Variants in ADGRA3 observed in about 807,000 individuals in gnomAD.
ADGRA3 encodes adhesion G protein-coupled receptor A3, also known as G-protein coupled receptor 125.
ADGRA3 carries 56 observed loss-of-function variants against 119.8 expected under a neutral mutation model. The ratio of observed to expected loss-of-function variants is 0.47; its 90% confidence interval spans 0.38 to 0.58. ADGRA3 has a LOEUF of 0.58. Ranked by LOEUF, ADGRA3 falls within the 20% of genes least tolerant of loss-of-function variation. ADGRA3 has a pLI of 0.00. For synonymous variants in ADGRA3, 607 were observed against 623.8 expected, an observed-to-expected ratio of 0.97 and a Z score of 0.40; for missense variants, 1,516 against 1,649.0, an observed-to-expected ratio of 0.92 and a Z score of 1.40.
chr4:22,440,660 C>A (rs1198767514), intron 7 of ADGRA3, among the ~76,000 whole-genome samples: 1 of 152,080 alleles, frequency 6.6e-6, no homozygotes, highest in East Asian at 1.9e-4. Flanking sequence ...TACAGTAAAT[C>A]TACTTATTTT....
chr4:22,440,187 T>C (rs1201385072), intron 7 of ADGRA3, among the ~76,000 whole-genome samples: 1 of 152,124 alleles, frequency 6.6e-6, no homozygotes, highest in Non-Finnish European at 1.5e-5. Context: ...GTGTTTCTAG[T>C]TTTCTTACTA....
intron 14 of ADGRA3, among the ~76,000 whole-genome samples, chr4:22,404,192 T>C (rs1049220218): frequency 1.2e-4 from 18 of 152,082 alleles, no homozygotes; most frequent in African/African-American, 4.1e-4. Flanking sequence ...ACAGTGGATA[T>C]ACCTCCAATT....
In ADGRA3 at chr4:22,388,539, G is replaced by A. The variant is rs778140242; in HGVS notation, c.3132C>T (p.Val1044=). The A allele has an allele frequency of 8.7e-6, 14 of 1,614,040 alleles. No homozygotes were observed. Among genetic ancestry groups the A allele is most frequent in the Non-Finnish European group, 1.2e-5 (14 of 1,179,994 alleles). ...TSLSFSAFFV[V]HHCVNREDVR... ...CATCCTCCCTATTAACACAATGGTG[G>A]ACCACGAAGAACGCACTGAAGCTTA... The change falls in exon 19 of 19, where the codon GTC becomes GTT. Residue 1044 remains valine, a synonymous_variant. Transcript: ENST00000334304.
intron 1 of ADGRA3, among the ~76,000 whole-genome samples, chr4:22,480,465 G>A (rs1219057322): frequency 1.9e-4 from 29 of 152,096 alleles, no homozygotes; most frequent in Admixed American, 6.6e-5. Context: ...CTTGAGCCCA[G>A]AAGTTCAATA....
chr4:22,425,198 C>T (rs778863971), intron 10 of ADGRA3, among the ~76,000 whole-genome samples: 1 of 152,146 alleles, frequency 6.6e-6, no homozygotes, highest in African/African-American at 2.4e-5. Flanking sequence ...GATCTCACCC[C>T]CATCCCCTTG....
At chr4:22,478,692 GCATCCT>G (rs1461488981) in intron 1 of ADGRA3, among the ~76,000 whole-genome samples, 1 of 152,154 alleles carries the variant, frequency 6.6e-6, no homozygotes, top group Non-Finnish European at 1.5e-5. Flanking sequence ...AGAGAGGAGA[GCATCCT>G]GAGTTAGGGT....
chr4:22,420,706 C>T (rs1715624868), intron 12 of ADGRA3, 180 bp downstream of exon 12: 1 of 611,734 alleles, frequency 1.6e-6, no homozygotes. Context: ...TGCCTAGGGC[C>T]CTTGAAAGTC....
chr4:22,496,630 G>C (rs1445663651), intron 1 of ADGRA3, among the ~76,000 whole-genome samples: 1 of 152,164 alleles, frequency 6.6e-6, no homozygotes, highest in Non-Finnish European at 1.5e-5. Flanking sequence ...TTAATATTAA[G>C]TATAGAATCT....
chr4:22,505,691 C>A (rs923428651), intron 1 of ADGRA3, among the ~76,000 whole-genome samples: 1 of 151,928 alleles, frequency 6.6e-6, no homozygotes, highest in African/African-American at 2.4e-5. Context: ...GGTTATCCCC[C>A]TGCTGTTTTA....
intron 9 of ADGRA3, 112 bp from the exon 10 acceptor site, chr4:22,435,578 T>C: frequency 1.1e-6 from 1 of 937,192 alleles, no homozygotes. Flanking sequence ...AAAACTTTAT[T>C]ATTTACTCAT....
In ADGRA3 at chr4:22,439,812, C is replaced by T. The variant is rs971396712; in HGVS notation, c.921-1392G>A. On this transcript the variant is annotated intron_variant, in intron 7 of 18. Transcript: ENST00000334304. Reference sequence around the variant, plus strand: ...ATTCCTTAATCCAGAAGTTCCCAAACACTGTCTTACTTCACTGACATAGTA... The same window carrying T: ...ATTCCTTAATCCAGAAGTTCCCAAATACTGTCTTACTTCACTGACATAGTA... 2.0e-5 allele frequency among the ~76,000 whole-genome samples: 3 copies of T among 152,144 alleles called. No homozygotes were observed. In the East Asian group the frequency reaches 5.8e-4, roughly 29 times the overall value.
chr4:22,463,663 C>CT (rs1196407015), intron 2 of ADGRA3, among the ~76,000 whole-genome samples: 3 of 152,196 alleles, frequency 2.0e-5, no homozygotes, highest in South Asian at 4.1e-4. Flanking sequence ...CATGGCATGC[C>CT]TCATAACATG....
chr4:22,454,762 C>A (rs1717181912), intron 4 of ADGRA3, 104 bp downstream of exon 4: 4 of 820,664 alleles, frequency 4.9e-6, no homozygotes, highest in Non-Finnish European at 6.2e-6. Flanking sequence ...CTTCTATAAC[C>A]CCTACAGTTG....
chr4:22,397,182 T>A (rs1422936119), intron 16 of ADGRA3, among the ~76,000 whole-genome samples: 4 of 14,462 alleles, frequency 2.8e-4, no homozygotes, highest in Non-Finnish European at 8.8e-4. Context: ...ATTCTTTTTT[T>A]TTTTTTTTTT....
chr4:22,480,505 C>G (rs909536825), intron 1 of ADGRA3, among the ~76,000 whole-genome samples: 1 of 151,732 alleles, frequency 6.6e-6, no homozygotes, highest in Non-Finnish European at 1.5e-5. Flanking sequence ...TAGCAAGACC[C>G]GGTCACTTAA....
chr4:22,444,920 G>T, intron 6 of ADGRA3, 53 bp downstream of exon 6: 1 of 1,567,000 alleles, frequency 6.4e-7, no homozygotes, highest in Non-Finnish European at 8.8e-7. Flanking sequence ...AGAAAAACAT[G>T]GTAGCAAGTC....
intron 13 of ADGRA3, 102 bp downstream of exon 13, chr4:22,413,499 C>A: frequency 7.3e-7 from 1 of 1,361,868 alleles, no homozygotes; most frequent in East Asian, 2.3e-5. Flanking sequence ...TCACTAGTGA[C>A]TCATTAAAAC....
intron 3 of ADGRA3, among the ~76,000 whole-genome samples, chr4:22,458,938 A>G (rs1231186769): frequency 6.6e-6 from 1 of 152,154 alleles, no homozygotes; most frequent in African/African-American, 2.4e-5. Flanking sequence ...AACACAGGAG[A>G]CCACCACTCA....
chr4:22,496,946 C>G (rs6811420), intron 1 of ADGRA3, among the ~76,000 whole-genome samples: 149,852 of 152,272 alleles, frequency 0.98, 73,786 homozygotes, highest in Middle Eastern at 1. Flanking sequence ...ACTTCCAATA[C>G]TTACTCCCAA....
Sources: gnomAD v4.1 joint callset for allele counts (sites outside exome capture counted in the v4.1 genomes callset) on GRCh38, gnomAD v4.1.1 for gene constraint, MANE v1.5 for transcripts, NCBI Gene and HGNC (gene_info 2026-07-23, HGNC 2026-07-21) for gene names.